The following GAB4 variants were observed in gnomAD, a reference collection of about 807,000 sequenced individuals.
GAB4 encodes the protein GRB2-associated-binding protein 4.
GAB4 carries 26 observed loss-of-function variants against 51.3 expected under a neutral mutation model. The ratio of observed to expected loss-of-function variants is 0.51; its 90% CI spans 0.37 to 0.70. GAB4 has a LOEUF of 0.70. Ranked by LOEUF, GAB4 falls within the 30% of genes least tolerant of loss-of-function variation. The pLI, the probability that GAB4 is intolerant of heterozygous loss-of-function variation, is 0.00. For missense variants in GAB4, 759 were observed against 734.6 expected (o/e 1.03, Z -0.38); for synonymous variants, 329 against 291.2 (o/e 1.13, Z -1.32).
At chr22:16,976,776 T>C (rs1490644602) in intron 3 of GAB4, among the ~76,000 whole-genome samples, 2 of 152,050 alleles carry the variant, frequency 1.3e-5, no homozygotes, top group African/African-American at 4.8e-5. Flanking sequence ...GAGAGAAAGG[T>C]TGGGTTATCC....
chr22:16,991,787 T>A, intron 2 of GAB4, 86 bp downstream of exon 2: 1 of 1,157,236 alleles, frequency 8.6e-7, no homozygotes, highest in Non-Finnish European at 1.2e-6. Context: ...CTTGGCAGTG[T>A]TGGCAGCTAG....
At chr22:16,969,284 C>A (rs954097341) in intron 4 of GAB4, among the ~76,000 whole-genome samples, 1 of 152,218 alleles carries the variant, frequency 6.6e-6, no homozygotes, top group Admixed American at 6.5e-5. Flanking sequence ...TCCTAAACTT[C>A]TGTTTTAAGT....
chr22:16,973,563 T>C (rs1298336198), intron 3 of GAB4, among the ~76,000 whole-genome samples: 1 of 152,180 alleles, frequency 6.6e-6, no homozygotes, highest in Non-Finnish European at 1.5e-5. Flanking sequence ...TGGGTGTATA[T>C]GCCTCACCTT....
chr22:16,967,668 A>C (rs1481424258), intron 5 of GAB4, among the ~76,000 whole-genome samples: 1 of 152,206 alleles, frequency 6.6e-6, no homozygotes, highest in Non-Finnish European at 1.5e-5. Context: ...AGACCTAGGT[A>C]CAGCCTTCCT....
At position 16,966,138 on chromosome 22, in the gene GAB4, A is replaced by G. The variant is rs776819241; in HGVS notation, c.1250T>C (p.Leu417Pro). ...CTTGAGGCTGCGGTTGACAGGGGGC[A>G]GCTGGACCTCATGTCCCTGGCTGAG... is the stretch of plus-strand genomic sequence containing the variant. ...QDLSQGHEVQ[L>P]PPVNRSLKPN... Residue 417 changes from leucine to proline, a missense_variant, in exon 6 of 10, where the codon CTG becomes CCG. Transcript: ENST00000400588. 123 of 1,613,976 alleles carry G rather than the reference A, an allele frequency of 7.6e-5. No individual in the cohort carries two copies. The highest frequency in any genetic ancestry group is 9.6e-5 in the Non-Finnish European group (113 of 1,180,016).
rs3948637 is a variant in GAB4, at chr22:16,962,373, T to A, written c.*360A>T. 61,109 of 179,512 alleles carry A rather than the reference T, an allele frequency of 0.34. 10,931 individuals are homozygous for A. The highest frequency in any genetic ancestry group is 0.47 in the South Asian group (2,447 of 5,180). 11.1% of individuals were successfully genotyped at this position (179,512 alleles called of 1,614,324 possible). On this transcript the variant is annotated 3_prime_UTR_variant, in exon 10 of 10. Transcript: ENST00000400588. ...TCCACTGTGGCCTGTGGGCCTTGGG[T>A]CCCCGGGTCAGCAAGGTAGCTCCTC...
chr22:17,004,802 C>G (rs1260414878), intron 1 of GAB4, among the ~76,000 whole-genome samples: 1 of 152,140 alleles, frequency 6.6e-6, no homozygotes, highest in Non-Finnish European at 1.5e-5. Flanking sequence ...AAATTCAACA[C>G]CCCTTCGTGC....
chr22:16,997,415 T>A (rs1467167874), intron 1 of GAB4, among the ~76,000 whole-genome samples: 1 of 152,256 alleles, frequency 6.6e-6, no homozygotes, highest in African/African-American at 2.4e-5. Flanking sequence ...CATTTTTTCA[T>A]GTGTCTGTTG....
In GAB4 at chr22:17,008,156, G is replaced by C. The variant is rs1568889053; in HGVS notation, c.-42C>G. 6.9e-7 allele frequency: 1 copy of C among 1,453,550 alleles called. No individual in the cohort carries two copies. Among genetic ancestry groups the C allele is most frequent in the East Asian group, 2.4e-5 (1 of 42,512 alleles). The allele number at this position is 1,453,550 out of a possible 1,614,324, so 90.0% of individuals were successfully genotyped here. ...AGTGAAGGTGGGGGAGACAGGGCGA[G>C]AGGGCGTTGCTGGAGGTGGGGTGTG... On this transcript the variant is annotated 5_prime_UTR_variant, in exon 1 of 10. Transcript: ENST00000400588.
At chr22:16,998,001 C>T (rs2123717522) in intron 1 of GAB4, among the ~76,000 whole-genome samples, 1 of 152,274 alleles carries the variant, frequency 6.6e-6, no homozygotes, top group South Asian at 2.1e-4. Flanking sequence ...TTCCATTGGT[C>T]TATATCTCTG....
At chr22:17,001,966 T>G (rs1202310280) in intron 1 of GAB4, among the ~76,000 whole-genome samples, 1 of 152,060 alleles carries the variant, frequency 6.6e-6, no homozygotes, top group East Asian at 1.9e-4. Context: ...CCGAGCCAGG[T>G]GTGGGATATA....
intron 4 of GAB4, 111 bp from the exon 5 acceptor site, chr22:16,968,494 C>T: frequency 1.3e-6 from 1 of 752,820 alleles, no homozygotes; most frequent in Non-Finnish European, 2.4e-6. Context: ...GAGGACACGA[C>T]TCTCAACCCC....
chr22:16,995,817 A>G (rs1310667685), intron 1 of GAB4, among the ~76,000 whole-genome samples: 3 of 152,212 alleles, frequency 2.0e-5, no homozygotes, highest in African/African-American at 7.2e-5. Context: ...CACCAACATC[A>G]AAGACCAAAA....
chr22:17,001,095 G>A (rs775747952), intron 1 of GAB4, among the ~76,000 whole-genome samples: 4 of 152,076 alleles, frequency 2.6e-5, no homozygotes, highest in Non-Finnish European at 5.9e-5. Context: ...TTCAACTTTG[G>A]TGAATCTGAC....
intron 1 of GAB4, among the ~76,000 whole-genome samples, chr22:16,999,628 G>A (rs8140589): frequency 0.052 from 7,889 of 152,186 alleles, 655 homozygotes; most frequent in African/African-American, 0.18. Context: ...GGTTTTTGGT[G>A]TCTCTATCTC....
intron 2 of GAB4, among the ~76,000 whole-genome samples, chr22:16,990,578 T>A (rs887524223): frequency 1.3e-5 from 2 of 152,150 alleles, no homozygotes; most frequent in African/African-American, 4.8e-5. Flanking sequence ...CCCAGTTGTA[T>A]GTGTGGGCTG....
At chr22:16,979,247 T>C (rs1228994780) in intron 3 of GAB4, among the ~76,000 whole-genome samples, 1 of 152,212 alleles carries the variant, frequency 6.6e-6, no homozygotes, top group Non-Finnish European at 1.5e-5. Context: ...GTTGTCTCTG[T>C]TTGCAGATGA....
chr22:16,973,780 G>A (rs1397464720), intron 3 of GAB4, among the ~76,000 whole-genome samples: 1 of 151,538 alleles, frequency 6.6e-6, no homozygotes, highest in African/African-American at 2.4e-5. Context: ...ACTCCCAGCA[G>A]ACCCTGTGCT....
intron 3 of GAB4, among the ~76,000 whole-genome samples, chr22:16,985,355 G>A (rs1051875754): frequency 4.6e-5 from 7 of 152,118 alleles, no homozygotes; most frequent in African/African-American, 9.7e-5. Flanking sequence ...TTACTCATAC[G>A]GCTAGTAATT....
Sources: gnomAD v4.1 joint callset for allele counts (sites outside exome capture counted in the v4.1 genomes callset) on GRCh38, gnomAD v4.1.1 for gene constraint, MANE v1.5 for transcripts, NCBI Gene and HGNC (gene_info 2026-07-23, HGNC 2026-07-21) for gene names.